ASAH2B: variants seen among roughly 807,000 people sequenced by gnomAD.
ASAH2B encodes the protein putative inactive neutral ceramidase B.
In ASAH2B, 1 loss-of-function variant was observed where a neutral mutation model predicts 2.9. The observed-to-expected ratio is 0.34, with a 90% CI of 0.12 to 1.63. The LOEUF (loss-of-function observed/expected upper bound fraction) is 1.63. Among genes scored for constraint, ASAH2B ranks in the 40% most tolerant of loss-of-function variants. The probability of loss-of-function intolerance (pLI) is 0.36; values close to 1 mark genes in which losing one functional copy is unlikely to be tolerated. For missense variants in ASAH2B, 9 were observed against 37.7 expected (o/e 0.24, Z 1.99); for synonymous variants, 4 against 13.3 (o/e 0.30, Z 1.52).
intron 3 of ASAH2B, among the ~76,000 whole-genome samples, chr10:50,748,838 C>T (rs887781891): frequency 6.4e-4 from 97 of 151,250 alleles, no homozygotes; most frequent in Admixed American, 1.2e-3. Flanking sequence ...CACTGTCTTT[C>T]TTTGTCACTT....
intron 2 of ASAH2B, chr10:50,744,612 C>T (rs1449559062): frequency 2.0e-5 from 3 of 151,066 alleles, no homozygotes; most frequent in Non-Finnish European, 4.4e-5. Context: ...ACTTTGTGGG[C>T]AATATAGATT....
intron 2 of ASAH2B, chr10:50,744,602 A>G (rs1242490898): frequency 1.3e-5 from 2 of 151,668 alleles, no homozygotes; most frequent in African/African-American, 2.5e-5. Flanking sequence ...AAAATGGTAA[A>G]CTTTGTGGGC....
intron 3 of ASAH2B, among the ~76,000 whole-genome samples, chr10:50,748,589 T>G (rs1839940933): frequency 6.6e-6 from 1 of 151,368 alleles, no homozygotes; most frequent in Admixed American, 6.6e-5. Flanking sequence ...CTTATATGCA[T>G]GCAAACTTGA....
intron 2 of ASAH2B, chr10:50,743,849 A>G (rs544867367): frequency 6.6e-6 from 1 of 151,456 alleles, no homozygotes; most frequent in Non-Finnish European, 1.5e-5. Context: ...AGCAAAGAAA[A>G]TAAAGCCCTT....
chr10:50,742,254 G>A, intron 1 of ASAH2B, among the ~76,000 whole-genome samples: 1 of 152,212 alleles, frequency 6.6e-6, no homozygotes, highest in Non-Finnish European at 1.5e-5. Context: ...AGAATTACCA[G>A]ATGTGGAGAC....
At chr10:50,744,552 A>T (rs1194361702) in intron 2 of ASAH2B, 1 of 152,064 alleles carries the variant, frequency 6.6e-6, no homozygotes, top group Non-Finnish European at 1.5e-5. Context: ...AGATATAGGG[A>T]TATTTGAAAA....
intron 3 of ASAH2B, among the ~76,000 whole-genome samples, chr10:50,748,914 C>T (rs1839946077): frequency 6.6e-6 from 1 of 151,782 alleles, no homozygotes; most frequent in Non-Finnish European, 1.5e-5. Flanking sequence ...AGGATAAATA[C>T]ACATCCTGCC....
In ASAH2B at chr10:50,757,072, C is replaced by A. The variant is rs1368593359; in HGVS notation, c.*2332C>A. 1 of 151,614 alleles carries A rather than the reference C, an allele frequency of 6.6e-6. No individual in the cohort carries two copies. Among genetic ancestry groups the A allele is most frequent in the Non-Finnish European group, 1.5e-5 (1 of 67,750 alleles). 9.4% of individuals were successfully genotyped at this position (151,614 alleles called of 1,614,324 possible). ...TCTGGTTTTAAGGATTTTTTGACTT[C>A]TTCGAAAAGCACTGAATAATCTCTT... is the stretch of plus-strand genomic sequence containing the variant. On this transcript the variant is annotated 3_prime_UTR_variant, in exon 6 of 6. Coordinates refer to ENST00000647317, the MANE Select transcript of ASAH2B (RefSeq NM_001321958.2).
intron 3 of ASAH2B, among the ~76,000 whole-genome samples, chr10:50,746,142 C>T (rs1212707597): frequency 6.6e-6 from 1 of 151,420 alleles, no homozygotes; most frequent in Admixed American, 6.6e-5. Context: ...TATAAAATTT[C>T]AACCCCCTAA....
At chr10:50,753,057 A>G (rs2132730384) in intron 5 of ASAH2B, among the ~76,000 whole-genome samples, 1 of 146,518 alleles carries the variant, frequency 6.8e-6, no homozygotes, top group Non-Finnish European at 1.5e-5. Flanking sequence ...GTGAGGAGAT[A>G]ATATATTCAG....
chr10:50,747,580 C>T (rs1391501642), intron 3 of ASAH2B, among the ~76,000 whole-genome samples: 1 of 151,278 alleles, frequency 6.6e-6, no homozygotes, highest in Admixed American at 6.6e-5. Flanking sequence ...TGTAGATTCT[C>T]TTTTTCATGT....
intron 1 of ASAH2B, among the ~76,000 whole-genome samples, chr10:50,740,557 T>C (rs933742198): frequency 2.4e-4 from 37 of 152,194 alleles, no homozygotes; most frequent in African/African-American, 8.0e-4. Flanking sequence ...GTATCCCTTA[T>C]TGCACGGAAG....
In ASAH2B at chr10:50,744,467, G is replaced by T. The variant is rs546758296; in HGVS notation, c.-3-661G>T. On this transcript the variant is annotated intron_variant, in intron 2 of 5. Coordinates refer to ENST00000647317, the MANE Select transcript of ASAH2B (RefSeq NM_001321958.2). ...CAGTTGTAAAGATTAAATCTATAAT[G>T]TGAGGAATAAAGAGCATTAAATATT... 1.8e-3 allele frequency among the ~76,000 whole-genome samples: 273 copies of T among 151,684 alleles called. 10 individuals are homozygous for T. The highest frequency in any genetic ancestry group is 6.4e-3 in the African/African-American group (261 of 41,030).
intron 3 of ASAH2B, among the ~76,000 whole-genome samples, chr10:50,747,996 A>C (rs531193702): frequency 1.3e-5 from 2 of 150,332 alleles, no homozygotes; most frequent in Non-Finnish European, 1.5e-5. Flanking sequence ...TTGACCAGCA[A>C]GGCCATATGG....
intron 4 of ASAH2B, among the ~76,000 whole-genome samples, chr10:50,751,568 A>T (rs1312610405): frequency 6.6e-6 from 1 of 151,614 alleles, no homozygotes; most frequent in African/African-American, 2.4e-5. Flanking sequence ...TATGGTTATG[A>T]AAACTTCCTT....
At position 50,757,073 on chromosome 10, in the gene ASAH2B, T is replaced by A. The variant is rs1837108933; in HGVS notation, c.*2333T>A. On this transcript the variant is annotated 3_prime_UTR_variant, in exon 6 of 6. Transcript: ENST00000647317. ...CTGGTTTTAAGGATTTTTTGACTTCTTCGAAAAGCACTGAATAATCTCTTT... is the reference window on the plus strand; with the variant it reads ...CTGGTTTTAAGGATTTTTTGACTTCATCGAAAAGCACTGAATAATCTCTTT... 6.6e-6 allele frequency: 1 copy of A among 151,690 alleles called. No homozygotes were observed. Among genetic ancestry groups the A allele is most frequent in the Admixed American group, 6.6e-5 (1 of 15,196 alleles). 9.4% of individuals were successfully genotyped at this position (151,690 alleles called of 1,614,324 possible). A position where few individuals can be genotyped will look rare whatever the true frequency, so the allele number is the denominator to read the frequency against.
intron 4 of ASAH2B, among the ~76,000 whole-genome samples, chr10:50,751,603 T>C (rs1839980011): frequency 1.3e-5 from 2 of 151,920 alleles, no homozygotes; most frequent in South Asian, 4.1e-4. Flanking sequence ...ATCAGTTGAA[T>C]ACTTAAAGAA....
Position 50,757,302 on chromosome 10 carries a change from G to A in ASAH2B, c.*2562G>A, listed in dbSNP as rs1460997309. 2 of 151,684 alleles carry A rather than the reference G, an allele frequency of 1.3e-5. No individual in the cohort carries two copies. Among genetic ancestry groups the A allele is most frequent in the Non-Finnish European group, 3.0e-5 (2 of 67,746 alleles). 9.4% of individuals were successfully genotyped at this position (151,684 alleles called of 1,614,324 possible). A position where few individuals can be genotyped will look rare whatever the true frequency, so the allele number is the denominator to read the frequency against. The stretch of plus-strand genomic sequence containing the variant: ...GGTTGGAAAGTGATACAAATGACTT[G>A]TAAATAACCACTGAAGCACAAGGGA... On this transcript the variant is annotated 3_prime_UTR_variant, in exon 6 of 6. Coordinates refer to ENST00000647317, the MANE Select transcript of ASAH2B (RefSeq NM_001321958.2).
chr10:50,755,988 T>G lies in ASAH2B; in HGVS notation c.*1248T>G, dbSNP rs1233621694. 9.2e-6 allele frequency: 1 copy of G among 108,764 alleles called. No individual in the cohort carries two copies. Among genetic ancestry groups the G allele is most frequent in the African/African-American group, 2.5e-5 (1 of 39,412 alleles). The allele number at this position is 108,764 out of a possible 1,614,324, so 6.7% of individuals were successfully genotyped here. ...TTTTGAAAGTTATTTTTGGGCATTG[T>G]AAAATACCTTGCTTCATACCCCAAA... On this transcript the variant is annotated 3_prime_UTR_variant, in exon 6 of 6. Coordinates refer to ENST00000647317, the MANE Select transcript of ASAH2B (RefSeq NM_001321958.2).
Sources: allele counts gnomAD v4.1 joint callset (sites outside exome capture counted in the v4.1 genomes callset), GRCh38; gene constraint gnomAD v4.1.1; transcripts MANE v1.5; gene names NCBI Gene and HGNC (gene_info 2026-07-23, HGNC 2026-07-21).